HEXIM2: variants seen among roughly 807,000 people sequenced by gnomAD.
The protein encoded by HEXIM2 is HEXIM P-TEFb complex subunit 2, also known as protein HEXIM2.
For synonymous variants in HEXIM2, 159 were observed against 162.7 expected, an observed-to-expected ratio of 0.98 and a Z score of 0.17; for missense variants, 413 against 390.8, an observed-to-expected ratio of 1.06 and a Z score of -0.48.
chr17:45,169,737 C>A lies in HEXIM2; in HGVS notation c.789C>A (p.Asn263Lys), dbSNP rs1277287142. ...AGGTCCAGAGGCTCCGGACCGAAAA[C>A]CAGCGGCTTCGTCAGGAGAACCAGA... The part of the protein sequence containing the change: ...AAEVQRLRTE[N>K]QRLRQENQMW... Residue 263 changes from asparagine to lysine, a missense_variant, in exon 4 of 4, where the codon AAC (asparagine) becomes AAA (lysine). Physicochemically the swap from Asn to Lys is moderately conservative, Grantham distance 94. Transcript: ENST00000589230. 1.3e-6 allele frequency: 2 copies of A among 1,488,954 alleles called. No homozygotes were observed. The highest frequency in any genetic ancestry group is 2.8e-5 in the African/African-American group (2 of 70,758). The allele number at this position is 1,488,954 out of a possible 1,614,324, so 92.2% of individuals were successfully genotyped here.
rs1190053525 is a variant in HEXIM2, at chr17:45,162,642, A to C, written c.-45+7A>C. On this transcript the variant is annotated splice_region_variant and intron_variant, in intron 2 of 3. Coordinates refer to ENST00000589230, the MANE Select transcript of HEXIM2 (RefSeq NM_001303441.2). ...CCTGCATTTGAGAATAAGGGTATGA[A>C]GGGCTGGGGTACAAAATGGCTGCCA... is the stretch of plus-strand genomic sequence containing the variant. 1 of 1,515,534 alleles carries C rather than the reference A, an allele frequency of 6.6e-7. No individual in the cohort carries two copies. Among genetic ancestry groups the C allele is most frequent in the East Asian group, 2.4e-5 (1 of 42,388 alleles). 93.9% of individuals were successfully genotyped at this position (1,515,534 alleles called of 1,614,324 possible).
At chr17:45,168,417 T>A (rs991554718) in intron 3 of HEXIM2, among the ~76,000 whole-genome samples, 11 of 151,322 alleles carry the variant, frequency 7.3e-5, no homozygotes, top group East Asian at 4.0e-4. Context: ...GAGGTTACAG[T>A]GAGCCGAGAT....
At chr17:45,162,727 G>T (rs2042733386) in intron 2 of HEXIM2, 23 bp from the exon 3 acceptor site, 2 of 1,611,500 alleles carry the variant, frequency 1.2e-6, no homozygotes, top group Non-Finnish European at 1.7e-6. Context: ...CAGGATTTAG[G>T]TTTCTGTTGT....
chr17:45,161,158 C>T (rs1317030782), upstream of HEXIM2: 3 of 377,740 alleles, frequency 7.9e-6, no homozygotes, highest in African/African-American at 6.3e-5. Context: ...GCTGGCAGAG[C>T]TCGGCCTCAG....
In HEXIM2 at chr17:45,162,468, T is replaced by C. The variant is rs1303680287; in HGVS notation, c.-192-20T>C. The C allele has an allele frequency of 5.4e-6, 6 of 1,102,148 alleles. No individual in the cohort carries two copies. The highest frequency in any genetic ancestry group is 4.1e-4 in the Middle Eastern group (1 of 2,418). The allele number at this position is 1,102,148 out of a possible 1,614,324, so 68.3% of individuals were successfully genotyped here. A position where few individuals can be genotyped will look rare whatever the true frequency, so the allele number is the denominator to read the frequency against. ...ACACCTGGCTTCCTGGCTGCCAACC[T>C]GGGCCTCGGTGACTTCCAGGAGGAC... On this transcript the variant is annotated intron_variant, in intron 1 of 3. Transcript: ENST00000589230.
chr17:45,160,240 C>T (rs543407876), upstream of HEXIM2, among the ~76,000 whole-genome samples: 1 of 152,104 alleles, frequency 6.6e-6, no homozygotes, highest in Non-Finnish European at 1.5e-5. Context: ...AGCAGGTCTC[C>T]TCATCTCTTA....
chr17:45,162,071 T>G (rs2042712763), intron 1 of HEXIM2, 40 bp downstream of exon 1: 1 of 930,628 alleles, frequency 1.1e-6, no homozygotes, highest in Middle Eastern at 5.5e-4. Context: ...CATGACTGTC[T>G]CCCTTCTTCC....
intron 3 of HEXIM2, among the ~76,000 whole-genome samples, chr17:45,166,514 T>C (rs1314210648): frequency 6.6e-6 from 1 of 152,222 alleles, no homozygotes; most frequent in Non-Finnish European, 1.5e-5. Context: ...ACTGCCCTTG[T>C]GCTGTGCATA....
Position 45,163,248 on chromosome 17 carries a change from C to T in HEXIM2, c.66+389C>T, listed in dbSNP as rs973017966. Among the ~76,000 whole-genome samples the T allele has an allele frequency of 4.0e-5, 6 of 149,092 alleles. No homozygotes were observed. In the South Asian group the frequency reaches 1.3e-3, roughly 31 times the overall value. ...GGTTGAGGCAGGAGAATCGCTTGAACCCAGGGGTCGGAGGTTGCAGTGAGC... is the reference window on the plus strand; with the variant it reads ...GGTTGAGGCAGGAGAATCGCTTGAATCCAGGGGTCGGAGGTTGCAGTGAGC... On this transcript the variant is annotated intron_variant, in intron 3 of 3. Coordinates refer to ENST00000589230, the MANE Select transcript of HEXIM2 (RefSeq NM_001303441.2).
Position 45,161,992 on chromosome 17 carries a change from C to T in HEXIM2, c.-232C>T, listed in dbSNP as rs148730313. ...CGACAGGCAGTCGCACAGAAAGGCA[C>T]ACAGATGTAGTGGTGTGCATAGCCC... On this transcript the variant is annotated 5_prime_UTR_variant, in exon 1 of 4. Transcript: ENST00000589230. 3.1e-4 allele frequency: 306 copies of T among 985,608 alleles called. No homozygotes were observed. The African/African-American group carries it at 5.1e-3, about 16-fold the overall frequency. 61.1% of individuals were successfully genotyped at this position (985,608 alleles called of 1,614,324 possible). A position where few individuals can be genotyped will look rare whatever the true frequency, so the allele number is the denominator to read the frequency against.
At chr17:45,164,243 G>A (rs1326033367) in intron 3 of HEXIM2, among the ~76,000 whole-genome samples, 14 of 151,960 alleles carry the variant, frequency 9.2e-5, no homozygotes, top group Admixed American at 7.2e-4. Context: ...ATCACCTGAG[G>A]TCACGAGTTC....
chr17:45,169,811 G>A lies in HEXIM2; in HGVS notation c.*2G>A. The A allele has an allele frequency of 7.0e-7, 1 of 1,434,774 alleles. No individual in the cohort carries two copies. Among genetic ancestry groups the A allele is most frequent in the Non-Finnish European group, 9.1e-7 (1 of 1,096,506 alleles). 88.9% of individuals were successfully genotyped at this position (1,434,774 alleles called of 1,614,324 possible). A position where few individuals can be genotyped will look rare whatever the true frequency, so the allele number is the denominator to read the frequency against. ...TGTGATGAGGAGCCGGGTACCTAGGGGTGCCTCCCAGCCTGGTGGACCCAA... is the reference window on the plus strand; with the variant it reads ...TGTGATGAGGAGCCGGGTACCTAGGAGTGCCTCCCAGCCTGGTGGACCCAA... On this transcript the variant is annotated 3_prime_UTR_variant, in exon 4 of 4. Transcript: ENST00000589230.
At chr17:45,162,678 A>C in intron 2 of HEXIM2, 43 bp downstream of exon 2, 9 of 1,584,924 alleles carry the variant, frequency 5.7e-6, no homozygotes, top group Non-Finnish European at 7.7e-6. Context: ...CTGCCTGGGC[A>C]AACAATTCTG....
chr17:45,161,481 T>C (rs1440027034), upstream of HEXIM2: 1 of 161,104 alleles, frequency 6.2e-6, no homozygotes, highest in Admixed American at 5.9e-5. Flanking sequence ...GTCCCTCCGC[T>C]GCCTCCTCCC....
In HEXIM2 at chr17:45,169,240, C is replaced by A. The variant is rs769935397; in HGVS notation, c.292C>A (p.Arg98Ser). 1 of 1,613,686 alleles carries A rather than the reference C, an allele frequency of 6.2e-7. No individual in the cohort carries two copies. Among genetic ancestry groups the A allele is most frequent in the South Asian group, 1.1e-5 (1 of 91,082 alleles). ...GAAACACCGTCGGCGGCCATCGAAG[C>A]GCAAAAGGCACTGGCGACCCTACCT... ...RKKHRRRPSK[R>S]KRHWRPYLEL... The change falls in exon 4 of 4, where the codon CGC (arginine) becomes AGC (serine). Residue 98 changes from arginine (R) to serine (S), a missense_variant. Coordinates refer to ENST00000589230, the MANE Select transcript of HEXIM2 (RefSeq NM_001303441.2).
At chr17:45,162,988 C>A in intron 3 of HEXIM2, 129 bp downstream of exon 3, 1 of 661,740 alleles carries the variant, frequency 1.5e-6, no homozygotes, top group Non-Finnish European at 2.7e-6. Context: ...GTACTATGCA[C>A]TAGGCAATAG....
upstream of HEXIM2, chr17:45,161,345 C>A (rs2042681168): frequency 4.7e-6 from 1 of 214,026 alleles, no homozygotes. Context: ...CTCCAACCTT[C>A]ACCCTCCCTG....
intron 3 of HEXIM2, among the ~76,000 whole-genome samples, chr17:45,168,279 T>C (rs544802795): frequency 1.6e-3 from 239 of 150,120 alleles, no homozygotes; most frequent in African/African-American, 5.5e-3. Flanking sequence ...GTCAGGAGTT[T>C]GAGACTAGGC....
chr17:45,160,944 G>GT, upstream of HEXIM2: 1 of 1,289,800 alleles, frequency 7.8e-7, no homozygotes, highest in Non-Finnish European at 1.0e-6. Context: ...TGTAAGCGAG[G>GT]TAAGGTGGGT....
Sources: allele counts gnomAD v4.1 joint callset (sites outside exome capture counted in the v4.1 genomes callset), GRCh38; gene constraint gnomAD v4.1.1; transcripts MANE v1.5; gene names NCBI Gene and HGNC (gene_info 2026-07-23, HGNC 2026-07-21).